The following P4HA3 variants were observed in gnomAD, a reference collection of about 807,000 sequenced individuals.
P4HA3 encodes prolyl 4-hydroxylase subunit alpha-3.
A neutral mutation model predicts 66.7 loss-of-function variants in P4HA3; 60 were observed. The observed-to-expected ratio is 0.90, with a 90% CI of 0.73 to 1.12. The LOEUF (loss-of-function observed/expected upper bound fraction) is 1.12, where lower values mean the gene tolerates loss of function less well. P4HA3 is among the 50% of genes most tolerant of loss of function. The pLI, the probability that P4HA3 is intolerant of heterozygous loss-of-function variation, is 0.00. For missense variants in P4HA3, 683 were observed against 685.8 expected (o/e 1.00, Z 0.05); for synonymous variants, 263 against 274.6 (o/e 0.96, Z 0.42).
intron 4 of P4HA3, among the ~76,000 whole-genome samples, chr11:74,295,592 T>C (rs941558669): frequency 6.6e-6 from 1 of 152,218 alleles, no homozygotes; most frequent in African/African-American, 2.4e-5. Flanking sequence ...GGATAATATA[T>C]AGTTTTTACA....
At chr11:74,283,256 C>G (rs766287792) in intron 7 of P4HA3, among the ~76,000 whole-genome samples, 1 of 152,142 alleles carries the variant, frequency 6.6e-6, no homozygotes, top group Non-Finnish European at 1.5e-5. Flanking sequence ...ATCAACGTCT[C>G]TGGGTGGGTC....
At chr11:74,293,028 C>T (rs1861086542) in intron 4 of P4HA3, among the ~76,000 whole-genome samples, 1 of 152,076 alleles carries the variant, frequency 6.6e-6, no homozygotes, top group Admixed American at 6.6e-5. Context: ...ATTGATCTGT[C>T]TAATGTTGAC....
downstream of P4HA3, among the ~76,000 whole-genome samples, chr11:74,264,749 T>C (rs1859963043): frequency 6.6e-6 from 1 of 152,252 alleles, no homozygotes; most frequent in Non-Finnish European, 1.5e-5. Flanking sequence ...CATTTTCACA[T>C]TGTGCTTCAA....
At chr11:74,283,106 T>C (rs1427129477) in intron 7 of P4HA3, among the ~76,000 whole-genome samples, 1 of 152,126 alleles carries the variant, frequency 6.6e-6, no homozygotes. Context: ...GGGAAGCCAC[T>C]ACCATGTCAG....
At chr11:74,279,818 T>C (rs1395707064) in intron 7 of P4HA3, among the ~76,000 whole-genome samples, 2 of 151,788 alleles carry the variant, frequency 1.3e-5, no homozygotes, top group Non-Finnish European at 2.9e-5. Flanking sequence ...TTTCCCAGGG[T>C]CAGGCACAGG....
intron 10 of P4HA3, among the ~76,000 whole-genome samples, chr11:74,270,358 C>T (rs992608018): frequency 2.0e-5 from 3 of 152,132 alleles, no homozygotes; most frequent in Non-Finnish European, 4.4e-5. Flanking sequence ...TCCAGGGAAC[C>T]CAAGCTAAGG....
chr11:74,263,192 A>G (rs926941337), downstream of P4HA3, among the ~76,000 whole-genome samples: 7 of 152,266 alleles, frequency 4.6e-5, no homozygotes, highest in African/African-American at 1.7e-4. Flanking sequence ...GGCAGTGAGC[A>G]GGTCGTCTTC....
intron 1 of P4HA3, 44 bp from the exon 2 acceptor site, chr11:74,304,456 C>A (rs1241388095): frequency 6.2e-7 from 1 of 1,606,510 alleles, no homozygotes; most frequent in Non-Finnish European, 8.5e-7. Context: ...GATACAACCA[C>A]TACACCTAGG....
At chr11:74,293,911 G>A (rs1373777038) in intron 4 of P4HA3, among the ~76,000 whole-genome samples, 1 of 152,092 alleles carries the variant, frequency 6.6e-6, no homozygotes, top group Non-Finnish European at 1.5e-5. Flanking sequence ...TGGTGAATCT[G>A]ACAATTATGT....
At chr11:74,288,322 A>G (rs1860871899) in intron 5 of P4HA3, among the ~76,000 whole-genome samples, 1 of 152,296 alleles carries the variant, frequency 6.6e-6, no homozygotes, top group Non-Finnish European at 1.5e-5. Context: ...ATTTAAGGGG[A>G]AAAACTGATA....
chr11:74,273,754 C>T (rs1426959351), intron 9 of P4HA3, 147 bp from the exon 10 acceptor site: 8 of 521,046 alleles, frequency 1.5e-5, no homozygotes, highest in Non-Finnish European at 2.4e-5. Flanking sequence ...AGTATGTGCC[C>T]GTCTTTGCTG....
At chr11:74,280,546 GT>G (rs1860557391) in intron 7 of P4HA3, among the ~76,000 whole-genome samples, 1 of 152,216 alleles carries the variant, frequency 6.6e-6, no homozygotes, top group Non-Finnish European at 1.5e-5. Flanking sequence ...GGGTAAACAT[GT>G]CTACTTCTGC....
intron 1 of P4HA3, among the ~76,000 whole-genome samples, chr11:74,306,875 G>C (rs1861595626): frequency 1.3e-5 from 2 of 152,212 alleles, no homozygotes; most frequent in South Asian, 4.1e-4. Context: ...TGATCCCAAA[G>C]ACAAGGCAGT....
intron 6 of P4HA3, 47 bp from the exon 7 acceptor site, chr11:74,286,032 GC>G: frequency 6.4e-7 from 1 of 1,553,232 alleles, no homozygotes; most frequent in Non-Finnish European, 8.9e-7. Context: ...GGGTCTAGGA[GC>G]AAAACTCAAC....
chr11:74,277,213 G>A, intron 8 of P4HA3, 69 bp from the exon 9 acceptor site: 1 of 1,512,470 alleles, frequency 6.6e-7, no homozygotes. Context: ...GTCTCTGAAT[G>A]AATGAATAAA....
At chr11:74,272,673 C>T (rs1411080879) in intron 10 of P4HA3, among the ~76,000 whole-genome samples, 1 of 152,310 alleles carries the variant, frequency 6.6e-6, no homozygotes, top group East Asian at 1.9e-4. Flanking sequence ...AGACCAGAGA[C>T]AGTCCTAATA....
At chr11:74,289,257 TG>T in intron 4 of P4HA3, 127 bp from the exon 5 acceptor site, 1 of 810,560 alleles carries the variant, frequency 1.2e-6, no homozygotes, top group Non-Finnish European at 1.7e-6. Context: ...TAAGGCTCAC[TG>T]AAAGGAACAG....
downstream of P4HA3, among the ~76,000 whole-genome samples, chr11:74,263,352 T>C (rs183700237): frequency 2.0e-5 from 3 of 152,344 alleles, no homozygotes; most frequent in Non-Finnish European, 4.4e-5. Context: ...GCACAAGGGA[T>C]AGACCTTTTC....
chr11:74,253,616 AC>A, intron 15 of P4HA3: 1 of 1,279,048 alleles, frequency 7.8e-7, no homozygotes, highest in Non-Finnish European at 1.1e-6. Flanking sequence ...CAGCCATGTG[AC>A]ACTGGCTCCC....
Sources: gnomAD v4.1 joint callset for allele counts (sites outside exome capture counted in the v4.1 genomes callset) on GRCh38, gnomAD v4.1.1 for gene constraint, MANE v1.5 for transcripts, NCBI Gene and HGNC (gene_info 2026-07-23, HGNC 2026-07-21) for gene names.